The following RSPO2 variants were observed in gnomAD, a reference collection of about 807,000 sequenced individuals.
RSPO2 encodes R-spondin 2.
RSPO2 carries 14 observed loss-of-function variants against 30.9 expected under a neutral mutation model. The observed-to-expected ratio is 0.45, with a 90% CI of 0.30 to 0.71. The LOEUF is 0.71. RSPO2 is among the 30% of genes least tolerant of loss of function. The pLI is 0.08. For missense variants in RSPO2, 264 were observed against 301.9 expected (o/e 0.87, Z 0.93); for synonymous variants, 107 against 96.4 (o/e 1.11, Z -0.64).
At chr8:107,968,129 A>G (rs896003501) in intron 3 of RSPO2, among the ~76,000 whole-genome samples, 2 of 152,156 alleles carry the variant, frequency 1.3e-5, no homozygotes, top group Non-Finnish European at 2.9e-5. Context: ...TATATCAAAG[A>G]GATATCTTCA....
At chr8:107,953,691 C>A (rs576682065) in intron 5 of RSPO2, among the ~76,000 whole-genome samples, 41 of 152,262 alleles carry the variant, frequency 2.7e-4, no homozygotes, top group African/African-American at 9.4e-4. Flanking sequence ...CTCGGTTCTA[C>A]CACTAGTAAC....
intron 2 of RSPO2, among the ~76,000 whole-genome samples, chr8:108,069,471 C>T (rs1812775910): frequency 6.6e-6 from 1 of 152,336 alleles, no homozygotes; most frequent in Admixed American, 6.5e-5. Context: ...CTCGGCCTCC[C>T]ACAGTGCTGG....
intron 2 of RSPO2, among the ~76,000 whole-genome samples, chr8:108,029,004 T>C (rs533052264): frequency 6.8e-6 from 1 of 147,848 alleles, no homozygotes; most frequent in African/African-American, 2.5e-5. Flanking sequence ...CAAATTCTAG[T>C]GCTGGTACTT....
intron 2 of RSPO2, among the ~76,000 whole-genome samples, chr8:108,055,849 A>T (rs747199344): frequency 6.6e-6 from 1 of 152,204 alleles, no homozygotes; most frequent in Non-Finnish European, 1.5e-5. Flanking sequence ...CTACAGAATT[A>T]TAATTAGTAC....
intron 2 of RSPO2, among the ~76,000 whole-genome samples, chr8:108,016,608 T>A (rs1313340213): frequency 2.0e-5 from 3 of 152,202 alleles, no homozygotes; most frequent in Admixed American, 1.3e-4. Flanking sequence ...ATTTAACATA[T>A]ACACACACTA....
chr8:108,006,698 T>C (rs1815464287), intron 2 of RSPO2, among the ~76,000 whole-genome samples: 1 of 152,246 alleles, frequency 6.6e-6, no homozygotes, highest in Non-Finnish European at 1.5e-5. Context: ...CTCCAAATTC[T>C]GAAAAAGATT....
At chr8:108,033,556 C>T (rs535737277) in intron 2 of RSPO2, among the ~76,000 whole-genome samples, 40 of 152,162 alleles carry the variant, frequency 2.6e-4, no homozygotes, top group African/African-American at 7.5e-4. Flanking sequence ...ATTCAATTAC[C>T]CCAGAGACTG....
chr8:107,969,109 T>C (rs984974399), intron 3 of RSPO2, among the ~76,000 whole-genome samples: 1 of 152,108 alleles, frequency 6.6e-6, no homozygotes, highest in Admixed American at 6.6e-5. Context: ...AGAAATCACA[T>C]TCTCTTTGTG....
At chr8:107,952,015 A>T (rs1813266069) in intron 5 of RSPO2, among the ~76,000 whole-genome samples, 1 of 152,112 alleles carries the variant, frequency 6.6e-6, no homozygotes, top group Non-Finnish European at 1.5e-5. Context: ...CACCATCACC[A>T]GGTGCCAGTG....
At position 107,901,884 on chromosome 8, in the gene RSPO2, T is replaced by C. The variant is rs79248451; in HGVS notation, c.617-694A>G. On this transcript the variant is annotated intron_variant, in intron 5 of 5. Transcript: ENST00000276659. ...ACCAGACGATCATACCAAGTATTTC[T>C]CTTCTTTGCCTTAGCCACTAGGAAG... Among the ~76,000 whole-genome samples, 1,060 of 152,232 alleles carry C rather than the reference T, an allele frequency of 7.0e-3. 7 individuals carry two copies. The highest frequency in any genetic ancestry group is 0.024 in the African/African-American group (1,004 of 41,578).
chr8:107,903,145 T>G (rs952273652), intron 5 of RSPO2, among the ~76,000 whole-genome samples: 2 of 152,152 alleles, frequency 1.3e-5, no homozygotes, highest in Non-Finnish European at 2.9e-5. Context: ...GTATTTTCTC[T>G]AAACAACAAA....
intron 5 of RSPO2, among the ~76,000 whole-genome samples, chr8:107,925,442 A>G (rs1345750210): frequency 2.0e-5 from 3 of 151,982 alleles, no homozygotes; most frequent in South Asian, 4.2e-4. Context: ...TCTAGGGTAC[A>G]TGTGCACAAC....
chr8:107,935,500 C>T (rs540659123), intron 5 of RSPO2, among the ~76,000 whole-genome samples: 1 of 152,040 alleles, frequency 6.6e-6, no homozygotes, highest in African/African-American at 2.4e-5. Context: ...ACTGCCCAAG[C>T]CAGTGGGGAC....
chr8:108,069,336 C>T (rs1812771628), intron 2 of RSPO2, among the ~76,000 whole-genome samples: 1 of 152,134 alleles, frequency 6.6e-6, no homozygotes, highest in African/African-American at 2.4e-5. Context: ...GCCTCAGCCT[C>T]CCGAGTAGCT....
In RSPO2 at chr8:108,077,693, A is replaced by G. The variant is rs376666858; in HGVS notation, c.94+4852T>C. On this transcript the variant is annotated intron_variant, in intron 2 of 5. Transcript: ENST00000276659. Reference sequence around the variant, plus strand: ...TAATATATATAAATATACATTATGTATACACTTTAGTATTAATTAGCATGT... The same window carrying G: ...TAATATATATAAATATACATTATGTGTACACTTTAGTATTAATTAGCATGT... Among the ~76,000 whole-genome samples, 46 of 152,294 alleles carry G rather than the reference A, an allele frequency of 3.0e-4. 1 individual carries two copies. The South Asian group carries it at 9.5e-3, about 32-fold the overall frequency.
intron 5 of RSPO2, 80 bp downstream of exon 5, chr8:107,958,000 T>A (rs1477482588): frequency 1.0e-6 from 1 of 961,806 alleles, no homozygotes; most frequent in East Asian, 2.6e-5. Flanking sequence ...TAAATACTTA[T>A]TTTTGGAAGG....
intron 2 of RSPO2, among the ~76,000 whole-genome samples, chr8:108,033,668 A>G (rs1196778294): frequency 6.6e-6 from 1 of 152,214 alleles, no homozygotes; most frequent in Non-Finnish European, 1.5e-5. Flanking sequence ...TGATGACAAG[A>G]GAACTGAGAG....
At chr8:108,047,061 G>A (rs1811927451) in intron 2 of RSPO2, among the ~76,000 whole-genome samples, 1 of 152,184 alleles carries the variant, frequency 6.6e-6, no homozygotes, top group Non-Finnish European at 1.5e-5. Context: ...GTAGCACGTA[G>A]AGGCATGAGT....
At chr8:107,912,145 T>C (rs1811846028) in intron 5 of RSPO2, among the ~76,000 whole-genome samples, 1 of 152,150 alleles carries the variant, frequency 6.6e-6, no homozygotes, top group Non-Finnish European at 1.5e-5. Context: ...ATGCTTATTT[T>C]TCAGCTGAGT....
Sources: gnomAD v4.1 joint callset for allele counts (sites outside exome capture counted in the v4.1 genomes callset) on GRCh38, gnomAD v4.1.1 for gene constraint, MANE v1.5 for transcripts, NCBI Gene and HGNC (gene_info 2026-07-23, HGNC 2026-07-21) for gene names.